FSTL5: variants seen among roughly 807,000 people sequenced by gnomAD.
The protein encoded by FSTL5 is follistatin like 5, also known as follistatin-related protein 5.
FSTL5 carries 62 observed loss-of-function variants against 89.1 expected under a neutral mutation model. That is an observed-to-expected ratio of 0.70 (90% confidence interval 0.57 to 0.86). FSTL5 has a LOEUF of 0.86. Among genes scored for constraint, FSTL5 ranks in the 40% least tolerant of loss-of-function variants. The probability of loss-of-function intolerance (pLI) is 0.00; values close to 1 mark genes in which losing one functional copy is unlikely to be tolerated. For missense variants in FSTL5, 1,057 were observed against 1,001.6 expected (o/e 1.06, Z -0.75); for synonymous variants, 383 against 346.2 (o/e 1.11, Z -1.18).
intron 14 of FSTL5, among the ~76,000 whole-genome samples, chr4:161,456,968 G>A (rs1733375636): frequency 6.6e-6 from 1 of 152,120 alleles, no homozygotes; most frequent in Non-Finnish European, 1.5e-5. Flanking sequence ...TGATATGCTA[G>A]CAGCCTAAAA....
chr4:161,490,664 C>T (rs1006493981), intron 12 of FSTL5, among the ~76,000 whole-genome samples: 6 of 152,046 alleles, frequency 3.9e-5, no homozygotes, highest in African/African-American at 1.4e-4. Context: ...TACAAGACTA[C>T]TATTGACTGA....
chr4:161,801,272 C>G (rs988894612), intron 4 of FSTL5, among the ~76,000 whole-genome samples: 1 of 151,470 alleles, frequency 6.6e-6, no homozygotes, highest in Non-Finnish European at 1.5e-5. Flanking sequence ...ATTATTTCTT[C>G]TCTTTAATCT....
chr4:161,871,094 C>T (rs1732247638), intron 4 of FSTL5, among the ~76,000 whole-genome samples: 1 of 152,070 alleles, frequency 6.6e-6, no homozygotes, highest in Non-Finnish European at 1.5e-5. Flanking sequence ...AATATCTGAT[C>T]AGTCTATCAA....
intron 4 of FSTL5, among the ~76,000 whole-genome samples, chr4:161,906,330 T>C (rs1283133543): frequency 6.6e-6 from 1 of 152,078 alleles, no homozygotes; most frequent in Non-Finnish European, 1.5e-5. Flanking sequence ...AACAACAAGA[T>C]TCAGGGCAAG....
At chr4:161,675,277 T>C (rs975321324) in intron 6 of FSTL5, among the ~76,000 whole-genome samples, 5 of 151,954 alleles carry the variant, frequency 3.3e-5, no homozygotes, top group Admixed American at 6.6e-5. Flanking sequence ...ACATTTGTTA[T>C]TTTATCTTTG....
chr4:161,647,669 T>C (rs1736197737), intron 7 of FSTL5, among the ~76,000 whole-genome samples: 2 of 152,048 alleles, frequency 1.3e-5, no homozygotes, highest in Non-Finnish European at 1.5e-5. Context: ...GTGTTAATGA[T>C]ACAGGAGTGA....
At chr4:161,665,168 G>C (rs1736843340) in intron 6 of FSTL5, among the ~76,000 whole-genome samples, 1 of 152,178 alleles carries the variant, frequency 6.6e-6, no homozygotes, top group Admixed American at 6.5e-5. Context: ...ATATACGCCT[G>C]AACCTAAAGT....
chr4:161,887,937 T>C (rs1176821107), intron 4 of FSTL5, among the ~76,000 whole-genome samples: 1 of 152,196 alleles, frequency 6.6e-6, no homozygotes, highest in African/African-American at 2.4e-5. Context: ...TTCAAGTTTA[T>C]TTTCTCTTTA....
intron 6 of FSTL5, among the ~76,000 whole-genome samples, chr4:161,702,842 T>G (rs893776484): frequency 6.6e-6 from 1 of 152,076 alleles, no homozygotes; most frequent in African/African-American, 2.4e-5. Context: ...AACCTGATAG[T>G]GAGTGCTATG....
chr4:161,435,434 T>G (rs1234255190), intron 15 of FSTL5, among the ~76,000 whole-genome samples: 1 of 151,348 alleles, frequency 6.6e-6, no homozygotes, highest in Non-Finnish European at 1.5e-5. Context: ...AAGGTGTAAC[T>G]GGGGAGGGGA....
intron 2 of FSTL5, among the ~76,000 whole-genome samples, chr4:162,102,623 T>C (rs1036105239): frequency 1.4e-5 from 2 of 146,050 alleles, no homozygotes; most frequent in African/African-American, 2.5e-5. Flanking sequence ...ATATAAAATA[T>C]TTATAACATA....
Position 161,481,031 on chromosome 4 carries a change from T to C in FSTL5, c.1597A>G (p.Lys533Glu). The change falls in exon 13 of 16, where the codon AAA (lysine) becomes GAA (glutamate). Residue 533 changes from lysine (K) to glutamate (E), a missense_variant. Lys to Glu is a moderately conservative substitution (Grantham distance 56, BLOSUM62 1). Transcript: ENST00000306100. ...GTAATTATTCATACCTGAACAACTT[T>C]TTGGGACTGCACATCAACAATAAGG... ...RVLIVDVQSQKVVQAVSTDPV... is the reference protein window; with the variant it reads ...RVLIVDVQSQEVVQAVSTDPV... The C allele has an allele frequency of 6.2e-7, 1 of 1,610,084 alleles. No homozygotes were observed. The highest frequency in any genetic ancestry group is 8.5e-7 in the Non-Finnish European group (1 of 1,178,254).
At chr4:161,689,741 T>C (rs1737866474) in intron 6 of FSTL5, among the ~76,000 whole-genome samples, 1 of 152,108 alleles carries the variant, frequency 6.6e-6, no homozygotes, top group African/African-American at 2.4e-5. Flanking sequence ...CACCTTACTC[T>C]GGTTTCAAAA....
chr4:161,969,166 GT>G (rs1735411684), intron 3 of FSTL5, among the ~76,000 whole-genome samples: 1 of 152,084 alleles, frequency 6.6e-6, no homozygotes, highest in Non-Finnish European at 1.5e-5. Flanking sequence ...TCCATATTTA[GT>G]TTTGGTAGAG....
In FSTL5 at chr4:161,775,903, A is replaced by C; in HGVS notation, c.581T>G (p.Leu194Arg). ...CTGAGTTAGTTCATTAATATCTACA[A>C]GTCCATTACTGTCTGCATCAAAATA... ...FKYFDADSNG[L>R]VDINELTQVI... Residue 194 changes from leucine to arginine, a missense_variant, in exon 5 of 16, where the codon CTT (leucine) becomes CGT (arginine). Physicochemically the swap from Leu to Arg is moderately radical, Grantham distance 102 (BLOSUM62 -2). Transcript: ENST00000306100. The C allele has an allele frequency of 6.4e-7, 1 of 1,569,778 alleles. No individual in the cohort carries two copies. Among genetic ancestry groups the C allele is most frequent in the Admixed American group, 1.9e-5 (1 of 53,550 alleles).
Position 161,889,364 on chromosome 4 carries a change from C to T in FSTL5, c.409+31040G>A, listed in dbSNP as rs372420753. Among the ~76,000 whole-genome samples, 8 of 152,116 alleles carry T rather than the reference C, an allele frequency of 5.3e-5. No individual in the cohort carries two copies. The South Asian group carries it at 6.2e-4, about 12-fold the overall frequency. ...CAGCTTGTAAATGCATAAAATAGGC[C>T]AGGTGTGGTGGCTCACACCTGTAAT... On this transcript the variant is annotated intron_variant, in intron 4 of 15. Transcript: ENST00000306100.
chr4:161,944,999 T>C (rs558788062), intron 3 of FSTL5, among the ~76,000 whole-genome samples: 3 of 152,064 alleles, frequency 2.0e-5, no homozygotes, highest in Non-Finnish European at 4.4e-5. Flanking sequence ...TAGGATTGCA[T>C]AATCTCAGAA....
chr4:161,440,845 G>T (rs909097364), intron 15 of FSTL5, among the ~76,000 whole-genome samples: 1 of 152,082 alleles, frequency 6.6e-6, no homozygotes, highest in African/African-American at 2.4e-5. Context: ...TTTTAGACCA[G>T]TGGCACCCAT....
intron 4 of FSTL5, among the ~76,000 whole-genome samples, chr4:161,784,621 G>C (rs1321275611): frequency 6.6e-6 from 1 of 151,886 alleles, no homozygotes; most frequent in African/African-American, 2.4e-5. Context: ...CGGGCTGGGT[G>C]CAGTGGCTCA....
Sources: gnomAD v4.1 joint callset for allele counts (sites outside exome capture counted in the v4.1 genomes callset) on GRCh38, gnomAD v4.1.1 for gene constraint, MANE v1.5 for transcripts, NCBI Gene and HGNC (gene_info 2026-07-23, HGNC 2026-07-21) for gene names.